ZNF385D: variants seen among roughly 807,000 people sequenced by gnomAD.
ZNF385D encodes the protein zinc finger protein 659.
A neutral mutation model predicts 35.8 loss-of-function variants in ZNF385D; 15 were observed. The ratio of observed to expected loss-of-function variants is 0.42; its 90% confidence interval spans 0.28 to 0.64. The LOEUF (loss-of-function observed/expected upper bound fraction) is 0.64. Among genes scored for constraint, ZNF385D ranks in the 30% least tolerant of loss-of-function variants. The probability of loss-of-function intolerance (pLI) is 0.23; values close to 1 mark genes in which losing one functional copy is unlikely to be tolerated. For missense variants in ZNF385D, 474 were observed against 494.6 expected, an observed-to-expected ratio of 0.96 and a Z score of 0.39; for synonymous variants, 212 against 186.8, an observed-to-expected ratio of 1.13 and a Z score of -1.10.
At chr3:22,188,425 G>A (rs1415895103) in intron 2 of ZNF385D, among the ~76,000 whole-genome samples, 1 of 151,734 alleles carries the variant, frequency 6.6e-6, no homozygotes, top group Non-Finnish European at 1.5e-5. Context: ...TTGTGCGAAT[G>A]TGTTTACATA....
intron 4 of ZNF385D, among the ~76,000 whole-genome samples, chr3:21,496,547 TATAC>T (rs1414056185): frequency 5.2e-5 from 7 of 134,168 alleles, no homozygotes; most frequent in African/African-American, 2.0e-4. Context: ...ATCATATATA[TATAC>T]ACACATATAT....
intron 3 of ZNF385D, among the ~76,000 whole-genome samples, chr3:21,946,910 C>T (rs1701817114): frequency 6.6e-6 from 1 of 152,136 alleles, no homozygotes; most frequent in Admixed American, 6.5e-5. Context: ...TTTAAGAAGC[C>T]ATATCACATT....
chr3:21,847,861 C>G (rs578190352), intron 3 of ZNF385D, among the ~76,000 whole-genome samples: 35 of 152,146 alleles, frequency 2.3e-4, no homozygotes, highest in Admixed American at 2.3e-3. Flanking sequence ...TGAGACCACA[C>G]TTTCACAATG....
chr3:21,436,711 T>C (rs958902523), intron 5 of ZNF385D: 1 of 397,232 alleles, frequency 2.5e-6, no homozygotes, highest in East Asian at 3.8e-5. Flanking sequence ...CATTTTAGGA[T>C]TGTATTTCAT....
chr3:21,639,705 C>G (rs994912270), intron 2 of ZNF385D, among the ~76,000 whole-genome samples: 1 of 152,000 alleles, frequency 6.6e-6, no homozygotes, highest in Non-Finnish European at 1.5e-5. Context: ...GCATGATAGT[C>G]TCATTTTAAT....
intron 4 of ZNF385D, among the ~76,000 whole-genome samples, chr3:21,464,292 C>T (rs1448277921): frequency 1.3e-5 from 2 of 152,078 alleles, no homozygotes; most frequent in African/African-American, 4.8e-5. Context: ...GTTATATTCT[C>T]AAATGGAAAA....
At chr3:21,530,664 T>G (rs2061900428) in intron 3 of ZNF385D, among the ~76,000 whole-genome samples, 1 of 152,120 alleles carries the variant, frequency 6.6e-6, no homozygotes, top group African/African-American at 2.4e-5. Context: ...AAACAAGTTT[T>G]TTTTCGTTGA....
At chr3:21,980,373 G>A (rs1017933424) in intron 3 of ZNF385D, among the ~76,000 whole-genome samples, 23 of 152,102 alleles carry the variant, frequency 1.5e-4, no homozygotes, top group African/African-American at 5.6e-4. Flanking sequence ...GTTGTTTTAA[G>A]CCACTAAATT....
At chr3:21,598,709 TTAAATAA>T (rs1362537727) in intron 2 of ZNF385D, among the ~76,000 whole-genome samples, 2 of 152,218 alleles carry the variant, frequency 1.3e-5, no homozygotes, top group African/African-American at 4.8e-5. Flanking sequence ...GTACTGTGAC[TTAAATAA>T]TAAAGGAAAT....
At chr3:22,255,598 G>A (rs990933180) in intron 2 of ZNF385D, among the ~76,000 whole-genome samples, 2 of 151,664 alleles carry the variant, frequency 1.3e-5, no homozygotes, top group African/African-American at 4.8e-5. Flanking sequence ...CCAAAAGGGT[G>A]GCCTCTATTA....
At chr3:21,965,084 A>T (rs1309966098) in intron 3 of ZNF385D, among the ~76,000 whole-genome samples, 1 of 152,162 alleles carries the variant, frequency 6.6e-6, no homozygotes, top group African/African-American at 2.4e-5. Flanking sequence ...AGATTGAAAA[A>T]TTTTAGAGAC....
At chr3:21,836,589 G>A (rs1023144176) in intron 3 of ZNF385D, among the ~76,000 whole-genome samples, 2 of 152,014 alleles carry the variant, frequency 1.3e-5, no homozygotes, top group African/African-American at 4.8e-5. Context: ...TAGTAAGCAC[G>A]TTAGACTTGC....
At chr3:22,189,633 T>C (rs530546919) in intron 2 of ZNF385D, among the ~76,000 whole-genome samples, 1 of 152,282 alleles carries the variant, frequency 6.6e-6, no homozygotes, top group South Asian at 2.1e-4. Flanking sequence ...ATAAATTCTT[T>C]ATTACTACCT....
In ZNF385D at chr3:22,184,361, C is replaced by A; in HGVS notation, c.107-15326G>T. On this transcript the variant is annotated intron_variant, in intron 2 of 5. Coordinates refer to the ZNF385D transcript ENST00000494108. Reference sequence around the variant, plus strand: ...TCTTAAAAATTTTTGTTTGCTTTGACTTCAAGGGAGATAAATCATTTCAAC... The same window carrying A: ...TCTTAAAAATTTTTGTTTGCTTTGAATTCAAGGGAGATAAATCATTTCAAC... 1.4e-5 allele frequency among the ~76,000 whole-genome samples: 2 copies of A among 146,200 alleles called. 1 individual carries two copies. The highest frequency in any genetic ancestry group is 6.9e-3 in the Middle Eastern group (2 of 290).
At chr3:22,015,887 C>A (rs925812743) in intron 3 of ZNF385D, among the ~76,000 whole-genome samples, 6 of 152,046 alleles carry the variant, frequency 3.9e-5, no homozygotes, top group Admixed American at 6.6e-5. Flanking sequence ...GCACCTTGGA[C>A]TGTTGTGCCC....
At chr3:22,061,136 A>G (rs1427598235) in intron 3 of ZNF385D, among the ~76,000 whole-genome samples, 1 of 152,140 alleles carries the variant, frequency 6.6e-6, no homozygotes, top group Non-Finnish European at 1.5e-5. Context: ...AAATTAAATT[A>G]AATAGTTGCA....
At chr3:22,170,015 A>G (rs775989672) in intron 2 of ZNF385D, among the ~76,000 whole-genome samples, 10 of 152,212 alleles carry the variant, frequency 6.6e-5, no homozygotes, top group East Asian at 1.9e-4. Context: ...ACATCCATTC[A>G]TAAGTAATTT....
intron 2 of ZNF385D, among the ~76,000 whole-genome samples, chr3:21,625,937 C>T (rs976103071): frequency 1.3e-5 from 2 of 152,026 alleles, no homozygotes; most frequent in African/African-American, 4.8e-5. Context: ...TTAAAGCTAA[C>T]ATTTTATTTA....
At chr3:22,062,771 A>G (rs1282293243) in intron 3 of ZNF385D, among the ~76,000 whole-genome samples, 1 of 152,172 alleles carries the variant, frequency 6.6e-6, no homozygotes, top group Non-Finnish European at 1.5e-5. Flanking sequence ...TCCTTGCTGT[A>G]TCTCTGGAAG....
Sources: allele counts gnomAD v4.1 joint callset (sites outside exome capture counted in the v4.1 genomes callset), GRCh38; gene constraint gnomAD v4.1.1; transcripts MANE v1.5; gene names NCBI Gene and HGNC (gene_info 2026-07-23, HGNC 2026-07-21).